Variants in ARHGAP44 observed in about 807,000 individuals in gnomAD.
ARHGAP44 encodes the protein Rho GTPase activating protein 44, also known as rho GTPase-activating protein 44.
In ARHGAP44, 43 loss-of-function variants were observed where a neutral mutation model predicts 106.8. That is an observed-to-expected ratio of 0.40 (90% CI 0.32 to 0.52). The LOEUF is 0.52. Ranked by LOEUF, ARHGAP44 falls within the 20% of genes least tolerant of loss-of-function variation. The pLI, the probability that ARHGAP44 is intolerant of heterozygous loss-of-function variation, is 0.48. For synonymous variants in ARHGAP44, 439 were observed against 410.3 expected (o/e 1.07, Z -0.85); for missense variants, 866 against 1,050.5 (o/e 0.82, Z 2.43).
At chr17:12,866,957 C>T (rs2036253884) in intron 1 of ARHGAP44, among the ~76,000 whole-genome samples, 1 of 152,224 alleles carries the variant, frequency 6.6e-6, no homozygotes, top group African/African-American at 2.4e-5. Context: ...GAGAAGGCTT[C>T]TTTCTGCATT....
chr17:12,876,222 A>G (rs1231638060), intron 1 of ARHGAP44, among the ~76,000 whole-genome samples: 4 of 152,164 alleles, frequency 2.6e-5, no homozygotes, highest in Non-Finnish European at 5.9e-5. Context: ...TGAGCCCACC[A>G]AAATTATTAA....
At chr17:12,868,721 G>T (rs751463581) in intron 1 of ARHGAP44, among the ~76,000 whole-genome samples, 2 of 149,512 alleles carry the variant, frequency 1.3e-5, no homozygotes, top group Non-Finnish European at 3.0e-5. Context: ...GCAATGGCGC[G>T]ATCTTGGCTC....
At chr17:12,854,705 T>G (rs2035855257) in intron 1 of ARHGAP44, among the ~76,000 whole-genome samples, 1 of 152,094 alleles carries the variant, frequency 6.6e-6, no homozygotes. Flanking sequence ...ATGCCTGTAA[T>G]CCCAGCACTT....
chr17:12,931,643 C>T (rs2038403409), intron 7 of ARHGAP44, among the ~76,000 whole-genome samples: 1 of 151,512 alleles, frequency 6.6e-6, no homozygotes, highest in Admixed American at 6.6e-5. Flanking sequence ...ACTACAGGCG[C>T]CCGCCACCAC....
chr17:12,953,156 A>C (rs1305968808), intron 13 of ARHGAP44, among the ~76,000 whole-genome samples: 1 of 152,122 alleles, frequency 6.6e-6, no homozygotes, highest in Non-Finnish European at 1.5e-5. Context: ...AGTTCACAGG[A>C]AGGAGAGATG....
At chr17:12,833,020 C>T (rs80130262) in intron 1 of ARHGAP44, among the ~76,000 whole-genome samples, 1,737 of 152,348 alleles carry the variant, frequency 0.011, 21 homozygotes, top group Middle Eastern at 0.024. Context: ...GTTTCTGTGC[C>T]TGGGCACAGT....
At position 12,789,612 on chromosome 17, in the gene ARHGAP44, T is replaced by C. The variant is rs1019115111; in HGVS notation, c.-227T>C. On this transcript the variant is annotated 5_prime_UTR_variant, in exon 1 of 21. Transcript: ENST00000379672. The stretch of plus-strand genomic sequence containing the variant: ...CCCAGGCATTGCTCTGCCCCGGGCA[T>C]TGCGCGGCGCGCGTGAGGGGGATGC... 9.5e-6 allele frequency: 3 copies of C among 314,634 alleles called. No homozygotes were observed. The highest frequency in any genetic ancestry group is 4.4e-5 in the African/African-American group (2 of 45,766). The allele number at this position is 314,634 out of a possible 1,614,324, so 19.5% of individuals were successfully genotyped here.
intron 1 of ARHGAP44, among the ~76,000 whole-genome samples, chr17:12,834,378 T>C (rs1215367628): frequency 1.3e-5 from 2 of 152,192 alleles, no homozygotes; most frequent in Non-Finnish European, 2.9e-5. Flanking sequence ...TGTTATGAAT[T>C]TTTTAAATAT....
Position 12,949,302 on chromosome 17 carries a change from G to C in ARHGAP44, c.973+51G>C. 1.3e-6 allele frequency: 2 copies of C among 1,517,098 alleles called. No homozygotes were observed. Among genetic ancestry groups the C allele is most frequent in the Non-Finnish European group, 1.8e-6 (2 of 1,121,240 alleles). The allele number at this position is 1,517,098 out of a possible 1,614,324, so 94.0% of individuals were successfully genotyped here. A position where few individuals can be genotyped will look rare whatever the true frequency, so the allele number is the denominator to read the frequency against. On this transcript the variant is annotated intron_variant, in intron 11 of 20. Transcript: ENST00000379672. The surrounding 1 kb of genome is among the most constrained non-coding windows in gnomAD (Gnocchi z 4.1). Reference sequence around the variant, plus strand: ...TGCCATGGAGGCTCACAGGGAAGGGGTAGAGGGGAGGCTGTGTGGCTACAA... The same window carrying C: ...TGCCATGGAGGCTCACAGGGAAGGGCTAGAGGGGAGGCTGTGTGGCTACAA...
Position 12,926,013 on chromosome 17 carries a change from G to A in ARHGAP44, c.465-2916G>A, listed in dbSNP as rs372695728. On this transcript the variant is annotated intron_variant, in intron 6 of 20. Coordinates refer to ENST00000379672, the MANE Select transcript of ARHGAP44 (RefSeq NM_014859.6). Reference sequence around the variant, plus strand: ...TGACAAGAGTTTACCTTGGTATTTTGTTTGCTATTTATGTTCCACAAAGAG... The same window carrying A: ...TGACAAGAGTTTACCTTGGTATTTTATTTGCTATTTATGTTCCACAAAGAG... Among the ~76,000 whole-genome samples the A allele has an allele frequency of 1.3e-3, 203 of 152,226 alleles. 7 individuals are homozygous for A. In the South Asian group the frequency reaches 0.04, roughly 30 times the overall value.
intron 10 of ARHGAP44, among the ~76,000 whole-genome samples, chr17:12,947,591 G>A (rs1424000876): frequency 2.6e-5 from 4 of 152,066 alleles, no homozygotes; most frequent in African/African-American, 9.7e-5. Context: ...CCCGAAACAG[G>A]ACTCATTAGC....
At chr17:12,793,296 A>G (rs1378516485) in intron 1 of ARHGAP44, among the ~76,000 whole-genome samples, 1 of 152,240 alleles carries the variant, frequency 6.6e-6, no homozygotes, top group African/African-American at 2.4e-5. Context: ...TATGACTGTT[A>G]TTGAATTATA....
intron 1 of ARHGAP44, among the ~76,000 whole-genome samples, chr17:12,886,551 A>G (rs924450852): frequency 6.6e-6 from 1 of 152,050 alleles, no homozygotes. Flanking sequence ...ATTAACACCT[A>G]AGTGTTTTTT....
chr17:12,901,512 C>T (rs1020521997), intron 3 of ARHGAP44, among the ~76,000 whole-genome samples: 12 of 152,084 alleles, frequency 7.9e-5, no homozygotes, highest in East Asian at 7.8e-4. Flanking sequence ...TGAGATGCAA[C>T]GAGGACCTGA....
At chr17:12,919,716 C>T (rs1598054632) in intron 5 of ARHGAP44, 39 bp from the exon 6 acceptor site, 1 of 1,563,260 alleles carries the variant, frequency 6.4e-7, no homozygotes, top group Non-Finnish European at 8.7e-7. Flanking sequence ...TTATCTTGAG[C>T]TTCAGTTTAA....
chr17:12,849,739 A>G (rs2035686513), intron 1 of ARHGAP44, among the ~76,000 whole-genome samples: 1 of 151,902 alleles, frequency 6.6e-6, no homozygotes. Flanking sequence ...GCTTTCTAAA[A>G]TCCTAATTCC....
intron 16 of ARHGAP44, among the ~76,000 whole-genome samples, chr17:12,972,509 G>T (rs181871272): frequency 6.6e-6 from 1 of 151,764 alleles, no homozygotes. Flanking sequence ...TTAGCTGGGT[G>T]TGGTGGCGGG....
intron 7 of ARHGAP44, among the ~76,000 whole-genome samples, chr17:12,939,701 C>T (rs1469953343): frequency 2.0e-5 from 3 of 152,260 alleles, no homozygotes; most frequent in East Asian, 1.9e-4. Context: ...CTCCTGACCT[C>T]GTGATCCACC....
At chr17:12,863,961 G>T (rs1341324341) in intron 1 of ARHGAP44, among the ~76,000 whole-genome samples, 1 of 152,216 alleles carries the variant, frequency 6.6e-6, no homozygotes, top group Non-Finnish European at 1.5e-5. Flanking sequence ...AACTGGAGCT[G>T]ATGGCTAAAG....
Sources: gnomAD v4.1 joint callset for allele counts (sites outside exome capture counted in the v4.1 genomes callset) on GRCh38, gnomAD v4.1.1 for gene constraint, Gnocchi (gnomAD v3.1) non-coding constraint, MANE v1.5 for transcripts, NCBI Gene and HGNC (gene_info 2026-07-23, HGNC 2026-07-21) for gene names.